KDM2B: variants seen among roughly 807,000 people sequenced by gnomAD.
The protein encoded by KDM2B is lysine demethylase 2B.
Under a neutral mutation model 150.0 loss-of-function variants are expected in KDM2B, and 26 were observed. That is an observed-to-expected ratio of 0.17 (90% CI 0.13 to 0.24). The LOEUF (loss-of-function observed/expected upper bound fraction) is 0.24, where lower values mean the gene tolerates loss of function less well. Ranked by LOEUF, KDM2B falls within the 10% of genes least tolerant of loss-of-function variation. The probability of loss-of-function intolerance (pLI) is 1.00; values close to 1 mark genes in which losing one functional copy is unlikely to be tolerated. For synonymous variants in KDM2B, 734 were observed against 729.5 expected (o/e 1.01, Z -0.10); for missense variants, 1,265 against 1,816.9 (o/e 0.70, Z 5.52).
At position 121,578,898 on chromosome 12, in the gene KDM2B, C is replaced by T; in HGVS notation, c.175G>A (p.Val59Met). Residue 59 changes from valine (V) to methionine (M), a missense_variant, in exon 2 of 23, where the codon GTG (valine) becomes ATG (methionine). Physicochemically the swap from Val to Met is conservative, Grantham distance 21 (BLOSUM62 1). Around this residue, in one of 11 missense-constraint regions of KDM2B, gnomAD observed 214 missense variants for 447.4 expected, o/e 0.48. Transcript: ENST00000377071. ...CCGCGGACGCTGACGATCTCCTCCA[C>T]GTCCGACAAGTCCTCGTTCTCGTCG... Reference protein sequence around the residue: ...RYDENEDLSDVEEIVSVRGFS... With the variant: ...RYDENEDLSDMEEIVSVRGFS... The T allele has an allele frequency of 6.2e-7, 1 of 1,613,124 alleles. No homozygotes were observed. The highest frequency in any genetic ancestry group is 8.5e-7 in the Non-Finnish European group (1 of 1,179,746).
At chr12:121,423,203 T>C in the KDM2B span, among the ~76,000 whole-genome samples, 2 of 152,242 alleles carry the variant, frequency 1.3e-5, no homozygotes, top group Non-Finnish European at 2.9e-5. The surrounding 1 kb of genome is among the most constrained non-coding windows in gnomAD (Gnocchi z 4.3). Flanking sequence ...GCTTTTATCA[T>C]TGCCATTTCT....
chr12:121,415,133 A>G, the KDM2B span, among the ~76,000 whole-genome samples: 1 of 152,138 alleles, frequency 6.6e-6, no homozygotes, highest in African/African-American at 2.4e-5. Flanking sequence ...AGAAAATTTC[A>G]GAGAAAATAA....
chr12:121,522,462 C>T (rs1367951321), intron 8 of KDM2B, among the ~76,000 whole-genome samples: 2 of 149,742 alleles, frequency 1.3e-5, no homozygotes, highest in Non-Finnish European at 3.0e-5. Flanking sequence ...TGCAGTGAGC[C>T]GAGATCGCAC....
chr12:121,521,154 C>G lies in KDM2B; in HGVS notation c.932-54G>C. On this transcript the variant is annotated intron_variant, in intron 8 of 22. Coordinates refer to ENST00000377071, the MANE Select transcript of KDM2B (RefSeq NM_032590.5). The surrounding 1 kb of genome is among the most constrained non-coding windows in gnomAD (Gnocchi z 4.9). ...AGCCGCTGGCCCCTGTGGGCTCCCA[C>G]ACCTCACAAGGCTGCAGGGAGGGAG... is the stretch of plus-strand genomic sequence containing the variant. The G allele has an allele frequency of 7.9e-7, 1 of 1,260,948 alleles. No individual in the cohort carries two copies. Among genetic ancestry groups the G allele is most frequent in the South Asian group, 1.2e-5 (1 of 83,230 alleles). The allele number at this position is 1,260,948 out of a possible 1,614,324, so 78.1% of individuals were successfully genotyped here.
intron 12 of KDM2B, among the ~76,000 whole-genome samples, chr12:121,455,188 C>A (rs553281019): frequency 6.6e-6 from 1 of 152,288 alleles, no homozygotes; most frequent in Non-Finnish European, 1.5e-5. Context: ...GGCCTCTACC[C>A]TGCTCAACCT....
chr12:121,449,429 C>A (rs542466354), intron 13 of KDM2B, among the ~76,000 whole-genome samples: 5 of 152,046 alleles, frequency 3.3e-5, no homozygotes, highest in African/African-American at 1.2e-4. Context: ...TCAGGCCAAG[C>A]CTGCATCTGC....
chr12:121,470,110 AAGG>A (rs1199576566), intron 12 of KDM2B: 2 of 69,946 alleles, frequency 2.9e-5, no homozygotes, highest in Non-Finnish European at 8.0e-5. Flanking sequence ...AAAAAAAAAA[AAGG>A]AGAGAGAGAG....
intron 6 of KDM2B, among the ~76,000 whole-genome samples, chr12:121,545,605 G>C (rs917450035): frequency 6.6e-6 from 1 of 152,108 alleles, no homozygotes; most frequent in Non-Finnish European, 1.5e-5. Flanking sequence ...TCTATGTCCA[G>C]CTGGACCCTC....
intron 11 of KDM2B, among the ~76,000 whole-genome samples, chr12:121,498,538 C>A (rs782207187): frequency 2.0e-5 from 3 of 152,094 alleles, no homozygotes; most frequent in Non-Finnish European, 4.4e-5. Context: ...TTTAAAAAAC[C>A]CACTGTGAGT....
intron 12 of KDM2B, among the ~76,000 whole-genome samples, chr12:121,487,806 T>C (rs1882928040): frequency 6.6e-6 from 1 of 151,562 alleles, no homozygotes; most frequent in Non-Finnish European, 1.5e-5. Flanking sequence ...TTTTTTTTTT[T>C]TTTTTGAGAC....
the KDM2B span, chr12:121,416,329 C>T: frequency 6.2e-7 from 1 of 1,614,110 alleles, no homozygotes; most frequent in Non-Finnish European, 8.5e-7. Flanking sequence ...AAGGGCCCAA[C>T]ATAGTTTGTA....
chr12:121,453,514 C>A lies in KDM2B; in HGVS notation c.1735-170G>T, dbSNP rs1877693208. Among the ~76,000 whole-genome samples the A allele has an allele frequency of 6.6e-6, 1 of 152,204 alleles. No homozygotes were observed. The highest frequency in any genetic ancestry group is 1.5e-5 in the Non-Finnish European group (1 of 68,042). ...TTTGGAGATGGGGGCTTTGCAGAGA[C>A]CGTCAGGTTAAACGAGGTAATTCAG... is the stretch of plus-strand genomic sequence containing the variant. On this transcript the variant is annotated intron_variant, in intron 12 of 22. Coordinates refer to ENST00000377071, the MANE Select transcript of KDM2B (RefSeq NM_032590.5). The surrounding 1 kb of genome is among the most constrained non-coding windows in gnomAD (Gnocchi z 6.4).
intron 12 of KDM2B, among the ~76,000 whole-genome samples, chr12:121,489,240 C>T (rs1199027459): frequency 2.6e-5 from 4 of 151,842 alleles, no homozygotes; most frequent in African/African-American, 7.3e-5. Context: ...CCACTGCGCC[C>T]GGCCGGGTTT....
rs887269518 is a variant in KDM2B, at chr12:121,467,866, C to G, written c.1735-14522G>C. ...CTCGCTGCAGGACCAGGACCTGAAG[C>G]GCACGAACCCGGGAACCCCCGACCC... On this transcript the variant is annotated intron_variant, in intron 12 of 22. Transcript: ENST00000377071. The surrounding 1 kb of genome is among the most constrained non-coding windows in gnomAD (Gnocchi z 5.1). 6 of 152,312 alleles carry G rather than the reference C, an allele frequency of 3.9e-5. No individual in the cohort carries two copies. The highest frequency in any genetic ancestry group is 1.4e-4 in the African/African-American group (6 of 41,448). The allele number at this position is 152,312 out of a possible 1,614,324, so 9.4% of individuals were successfully genotyped here. A position where few individuals can be genotyped will look rare whatever the true frequency, so the allele number is the denominator to read the frequency against.
At chr12:121,556,843 C>T (rs1555312810) in intron 4 of KDM2B, among the ~76,000 whole-genome samples, 1 of 149,512 alleles carries the variant, frequency 6.7e-6, no homozygotes, top group Admixed American at 6.7e-5. Context: ...CAGAGTGAGA[C>T]TCTGTCCTTA....
intron 12 of KDM2B, among the ~76,000 whole-genome samples, chr12:121,475,073 G>C (rs887172140): frequency 6.6e-6 from 1 of 152,060 alleles, no homozygotes; most frequent in East Asian, 1.9e-4. Flanking sequence ...ATACAGCCCA[G>C]GTGTGTAGAG....
At chr12:121,542,441 G>A (rs1888682630) in intron 6 of KDM2B, among the ~76,000 whole-genome samples, 1 of 152,226 alleles carries the variant, frequency 6.6e-6, no homozygotes, top group African/African-American at 2.4e-5. Flanking sequence ...CACCACACAT[G>A]GCCAAGGCCT....
intron 8 of KDM2B, among the ~76,000 whole-genome samples, chr12:121,522,430 G>T (rs572431583): frequency 6.6e-6 from 1 of 151,306 alleles, no homozygotes; most frequent in Non-Finnish European, 1.5e-5. Flanking sequence ...CAGGGGAATC[G>T]CTTGAACCCG....
At position 121,518,657 on chromosome 12, in the gene KDM2B, C is replaced by T. The variant is rs1465206628; in HGVS notation, c.1047+2328G>A. On this transcript the variant is annotated intron_variant, in intron 9 of 22. Coordinates refer to ENST00000377071, the MANE Select transcript of KDM2B (RefSeq NM_032590.5). The surrounding 1 kb of genome is among the most constrained non-coding windows in gnomAD (Gnocchi z 4.4). ...TGGGCTCCTAAGGGAACCATGGGGC[C>T]CAAATCCGCTGAGTTTACAATTGAA... is the stretch of plus-strand genomic sequence containing the variant. Among the ~76,000 whole-genome samples, 1 of 152,148 alleles carries T rather than the reference C, an allele frequency of 6.6e-6. No individual in the cohort carries two copies. The highest frequency in any genetic ancestry group is 2.4e-5 in the African/African-American group (1 of 41,408).
Sources: gnomAD v4.1 joint callset for allele counts (sites outside exome capture counted in the v4.1 genomes callset) on GRCh38, gnomAD v4.1.1 for gene constraint, gnomAD v4.1.1 regional missense constraint, Gnocchi (gnomAD v3.1) non-coding constraint, MANE v1.5 for transcripts, NCBI Gene and HGNC (gene_info 2026-07-23, HGNC 2026-07-21) for gene names.